KIRREL3: variants seen among roughly 807,000 people sequenced by gnomAD.
KIRREL3 encodes kirre like nephrin family adhesion molecule 3.
Under a neutral mutation model 89.7 loss-of-function variants are expected in KIRREL3, and 36 were observed. The observed-to-expected ratio is 0.40, with a 90% CI of 0.31 to 0.53. KIRREL3 has a LOEUF of 0.53. Among genes scored for constraint, KIRREL3 ranks in the 20% least tolerant of loss-of-function variants. The pLI is 0.49. For missense variants in KIRREL3, 864 were observed against 1,056.6 expected (o/e 0.82, Z 2.53); for synonymous variants, 445 against 441.4 (o/e 1.01, Z -0.10).
intron 1 of KIRREL3, among the ~76,000 whole-genome samples, chr11:126,853,926 A>T (rs1420010257): frequency 2.6e-5 from 4 of 152,200 alleles, no homozygotes; most frequent in East Asian, 3.8e-4. Context: ...TAATAAATAC[A>T]TGGTGACTGA....
chr11:126,590,517 G>A (rs662535), intron 1 of KIRREL3, among the ~76,000 whole-genome samples: 70,266 of 152,084 alleles, frequency 0.46, 16,793 homozygotes, highest in East Asian at 0.78. Flanking sequence ...TGTGTCTGCC[G>A]TGGCTGCATG....
Position 126,997,361 on chromosome 11 carries a change from T to A in KIRREL3, c.55+3094A>T, listed in dbSNP as rs963325101. 6.6e-6 allele frequency among the ~76,000 whole-genome samples: 1 copy of A among 152,120 alleles called. No individual in the cohort carries two copies. The highest frequency in any genetic ancestry group is 1.5e-5 in the Non-Finnish European group (1 of 68,010). Reference sequence around the variant, plus strand: ...GTCCTGACAGCTGAGGGAAGAGGCATCCACGGCAAGGGAGAAGCCCACAAG... The same window carrying A: ...GTCCTGACAGCTGAGGGAAGAGGCAACCACGGCAAGGGAGAAGCCCACAAG... On this transcript the variant is annotated intron_variant, in intron 1 of 16. Transcript: ENST00000525144. The surrounding 1 kb of genome is among the most constrained non-coding windows in gnomAD (Gnocchi z 4.3).
chr11:126,847,494 A>C (rs139777271), intron 1 of KIRREL3, among the ~76,000 whole-genome samples: 3 of 152,108 alleles, frequency 2.0e-5, no homozygotes, highest in African/African-American at 7.2e-5. Context: ...TAGGACCTTA[A>C]CAGGTGCTCT....
At position 126,647,535 on chromosome 11, in the gene KIRREL3, T is replaced by G. The variant is rs1008492983; in HGVS notation, c.56-84623A>C. ...AACGTTTATCAGGCACCTTTTAGTGTAAGGTACTCTGCTGGGAGCCCAAAA... is the reference window on the plus strand; with the variant it reads ...AACGTTTATCAGGCACCTTTTAGTGGAAGGTACTCTGCTGGGAGCCCAAAA... On this transcript the variant is annotated intron_variant, in intron 1 of 16. Coordinates refer to ENST00000525144, the MANE Select transcript of KIRREL3 (RefSeq NM_032531.4). The surrounding 1 kb of genome is among the most constrained non-coding windows in gnomAD (Gnocchi z 4.9). 6.6e-6 allele frequency among the ~76,000 whole-genome samples: 1 copy of G among 152,208 alleles called. No individual in the cohort carries two copies. Among genetic ancestry groups the G allele is most frequent in the African/African-American group, 2.4e-5 (1 of 41,450 alleles).
intron 1 of KIRREL3, among the ~76,000 whole-genome samples, chr11:126,831,210 C>T (rs2027787): frequency 0.23 from 35,277 of 152,114 alleles, 4,709 homozygotes; most frequent in Non-Finnish European, 0.31. Flanking sequence ...TTGGCTTAGG[C>T]TCAATTTTGA....
chr11:126,923,263 TCTTCTCCTTCTC>T (rs1439644782), intron 1 of KIRREL3, among the ~76,000 whole-genome samples: 1,135 of 56,558 alleles, frequency 0.02, 194 homozygotes, highest in African/African-American at 0.025. Context: ...TTCTTCTTCT[TCTTCTCCTTCTC>T]CTTCTCCTTC....
intron 2 of KIRREL3, among the ~76,000 whole-genome samples, chr11:126,545,417 G>A (rs1399453371): frequency 6.6e-6 from 1 of 151,960 alleles, no homozygotes; most frequent in Non-Finnish European, 1.5e-5. Flanking sequence ...GGGGTGGGAG[G>A]TGTTCAGTCT....
intron 1 of KIRREL3, among the ~76,000 whole-genome samples, chr11:126,923,843 C>T (rs915121726): frequency 8.5e-5 from 13 of 152,266 alleles, no homozygotes; most frequent in East Asian, 1.9e-4. Context: ...CCTATGTACC[C>T]GAATATTTAC....
Position 126,709,626 on chromosome 11 carries a change from T to C in KIRREL3, c.56-146714A>G, listed in dbSNP as rs1025975932. Among the ~76,000 whole-genome samples, 2 of 151,980 alleles carry C rather than the reference T, an allele frequency of 1.3e-5. No homozygotes were observed. Among genetic ancestry groups the C allele is most frequent in the Non-Finnish European group, 2.9e-5 (2 of 67,986 alleles). Reference sequence around the variant, plus strand: ...TGGTGTCCTTATAAAAAGAGAAAATTTGGACACAGAGGTACAGAGGGAAGA... The same window carrying C: ...TGGTGTCCTTATAAAAAGAGAAAATCTGGACACAGAGGTACAGAGGGAAGA... On this transcript the variant is annotated intron_variant, in intron 1 of 16. Coordinates refer to ENST00000525144, the MANE Select transcript of KIRREL3 (RefSeq NM_032531.4). The surrounding 1 kb of genome is among the most constrained non-coding windows in gnomAD (Gnocchi z 4.0).
At chr11:126,634,154 G>C (rs1459937106) in intron 1 of KIRREL3, among the ~76,000 whole-genome samples, 1 of 152,200 alleles carries the variant, frequency 6.6e-6, no homozygotes, top group Non-Finnish European at 1.5e-5. Context: ...TTTACATGCA[G>C]ACTGGGTGTG....
chr11:126,897,855 T>G lies in KIRREL3; in HGVS notation c.55+102600A>C, dbSNP rs1202506318. Among the ~76,000 whole-genome samples the G allele has an allele frequency of 1.3e-5, 2 of 152,178 alleles. No homozygotes were observed. The highest frequency in any genetic ancestry group is 4.8e-5 in the African/African-American group (2 of 41,444). ...GGTTACTTTGACAGAAATGTTAAACTAAGTAAGTCTGCACATATCCACTGA... is the reference window on the plus strand; with the variant it reads ...GGTTACTTTGACAGAAATGTTAAACGAAGTAAGTCTGCACATATCCACTGA... On this transcript the variant is annotated intron_variant, in intron 1 of 16. Transcript: ENST00000525144. The surrounding 1 kb of genome is among the most constrained non-coding windows in gnomAD (Gnocchi z 4.2).
rs1381067038 is a variant in KIRREL3 at position 126,924,585 on chromosome 11, C to T, written c.55+75870G>A. 6.6e-6 allele frequency among the ~76,000 whole-genome samples: 1 copy of T among 152,140 alleles called. No individual in the cohort carries two copies. The highest frequency in any genetic ancestry group is 1.5e-5 in the Non-Finnish European group (1 of 68,012). On this transcript the variant is annotated intron_variant, in intron 1 of 16. Transcript: ENST00000525144. This position sits in a 1 kb window ranked among gnomAD's most constrained non-coding sequence, Gnocchi z 4.7. Reference sequence around the variant, plus strand: ...CGCTTCAGCTGCTGCTGACTCCCTCCCAGAAGGCCCCAGAGTAGTCTTGAT... The same window carrying T: ...CGCTTCAGCTGCTGCTGACTCCCTCTCAGAAGGCCCCAGAGTAGTCTTGAT...
At position 126,977,046 on chromosome 11, in the gene KIRREL3, A is replaced by G. The variant is rs114152138; in HGVS notation, c.55+23409T>C. On this transcript the variant is annotated intron_variant, in intron 1 of 16. Coordinates refer to ENST00000525144, the MANE Select transcript of KIRREL3 (RefSeq NM_032531.4). This position sits in a 1 kb window ranked among gnomAD's most constrained non-coding sequence, Gnocchi z 4.7. ...GATAAACATCATGCTGCATTTCCCA[A>G]GGAGGACTGCCCTTTTTATTCTTCT... 1.3e-3 allele frequency among the ~76,000 whole-genome samples: 204 copies of G among 152,298 alleles called. No homozygotes were observed. The highest frequency in any genetic ancestry group is 4.7e-3 in the African/African-American group (195 of 41,562).
intron 1 of KIRREL3, among the ~76,000 whole-genome samples, chr11:126,713,292 G>A (rs1168684710): frequency 2.0e-5 from 3 of 152,352 alleles, no homozygotes; most frequent in East Asian, 1.9e-4. Flanking sequence ...AGAGCCTCAT[G>A]CATTTAGGAA....
At chr11:126,458,167 G>T (rs750750358) in intron 6 of KIRREL3, among the ~76,000 whole-genome samples, 1 of 152,228 alleles carries the variant, frequency 6.6e-6, no homozygotes, top group Non-Finnish European at 1.5e-5. Flanking sequence ...GCCCTGGGCT[G>T]CATCTTCTGG....
In KIRREL3 at chr11:126,655,297, G is replaced by A. The variant is rs1343608195; in HGVS notation, c.56-92385C>T. On this transcript the variant is annotated intron_variant, in intron 1 of 16. Coordinates refer to ENST00000525144, the MANE Select transcript of KIRREL3 (RefSeq NM_032531.4). The surrounding 1 kb of genome is among the most constrained non-coding windows in gnomAD (Gnocchi z 5.0). ...TTTTATCTGGAAAACAATGTGAGCA[G>A]TATCTCTCAAAATTAGGTCAGGGCT... 6.6e-6 allele frequency among the ~76,000 whole-genome samples: 1 copy of A among 152,212 alleles called. No homozygotes were observed. Among genetic ancestry groups the A allele is most frequent in the Non-Finnish European group, 1.5e-5 (1 of 68,042 alleles).
In KIRREL3 at chr11:126,900,181, C is replaced by G. The variant is rs1447147339; in HGVS notation, c.55+100274G>C. On this transcript the variant is annotated intron_variant, in intron 1 of 16. Transcript: ENST00000525144. This position sits in a 1 kb window ranked among gnomAD's most constrained non-coding sequence, Gnocchi z 4.4. ...TTCCCATGTGTGTAAATATACAGCT[C>G]TCATGTGCCTAATTTATAGCAAGTC... is the stretch of plus-strand genomic sequence containing the variant. Among the ~76,000 whole-genome samples, 1 of 152,162 alleles carries G rather than the reference C, an allele frequency of 6.6e-6. No homozygotes were observed. The highest frequency in any genetic ancestry group is 2.4e-5 in the African/African-American group (1 of 41,456).
intron 1 of KIRREL3, chr11:126,920,553 AATTCAGAC>A (rs1947228686): frequency 6.6e-6 from 1 of 152,200 alleles, no homozygotes; most frequent in South Asian, 2.1e-4. Context: ...CTAAAGGATA[AATTCAGAC>A]ATTTGATTTT....
intron 1 of KIRREL3, among the ~76,000 whole-genome samples, chr11:126,757,973 A>G (rs1346028820): frequency 1.3e-5 from 2 of 152,188 alleles, no homozygotes; most frequent in African/African-American, 4.8e-5. Flanking sequence ...TATCATTTGC[A>G]AGGGTGGTGG....
Sources: gnomAD v4.1 joint callset for allele counts (sites outside exome capture counted in the v4.1 genomes callset) on GRCh38, gnomAD v4.1.1 for gene constraint, Gnocchi (gnomAD v3.1) non-coding constraint, MANE v1.5 for transcripts, NCBI Gene and HGNC (gene_info 2026-07-23, HGNC 2026-07-21) for gene names.